GSK3B: variants seen among roughly 807,000 people sequenced by gnomAD.
The protein encoded by GSK3B is glycogen synthase kinase-3 beta.
A neutral mutation model predicts 56.4 loss-of-function variants in GSK3B; 15 were observed. The observed-to-expected ratio is 0.27, with a 90% confidence interval of 0.18 to 0.41. The LOEUF (loss-of-function observed/expected upper bound fraction) is 0.41. Among genes scored for constraint, GSK3B ranks in the 10% least tolerant of loss-of-function variants. The probability of loss-of-function intolerance (pLI) is 1.00; values close to 1 mark genes in which losing one functional copy is unlikely to be tolerated. For synonymous variants in GSK3B, 181 were observed against 188.9 expected (o/e 0.96, Z 0.34); for missense variants, 300 against 513.4 (o/e 0.58, Z 4.02).
intron 5 of GSK3B, 142 bp downstream of exon 5, chr3:119,915,902 A>G: frequency 1.8e-6 from 1 of 559,802 alleles, no homozygotes; most frequent in Non-Finnish European, 3.2e-6. Flanking sequence ...TAACAAAACT[A>G]CTCTCACAGC....
intron 10 of GSK3B, 76 bp from the exon 11 acceptor site, chr3:119,826,931 C>A: frequency 2.2e-6 from 2 of 900,804 alleles, no homozygotes; most frequent in South Asian, 1.4e-5. Flanking sequence ...ACTGTTTCAA[C>A]TGCAGGCTGT....
chr3:119,983,920 A>G (rs746654392), intron 2 of GSK3B, among the ~76,000 whole-genome samples: 13 of 152,166 alleles, frequency 8.5e-5, no homozygotes, highest in Non-Finnish European at 1.5e-4. Flanking sequence ...TCAGCACCAC[A>G]CTGCACTTAT....
intron 1 of GSK3B, among the ~76,000 whole-genome samples, chr3:120,015,661 A>C (rs2057818857): frequency 1.4e-5 from 2 of 144,004 alleles, no homozygotes; most frequent in South Asian, 2.1e-4. Flanking sequence ...AAAAAAAAAA[A>C]AAAAAAAAAA....
At chr3:119,867,430 T>C (rs2056198353) in intron 8 of GSK3B, among the ~76,000 whole-genome samples, 1 of 152,186 alleles carries the variant, frequency 6.6e-6, no homozygotes, top group South Asian at 2.1e-4. Context: ...GAAAAATAAA[T>C]AGAGAACATT....
intron 7 of GSK3B, among the ~76,000 whole-genome samples, chr3:119,885,871 T>C (rs1286682999): frequency 6.6e-6 from 1 of 152,148 alleles, no homozygotes; most frequent in Non-Finnish European, 1.5e-5. Context: ...ACTGGACCCC[T>C]ATCTTTCACC....
chr3:120,091,524 A>G (rs1293036310), intron 1 of GSK3B, among the ~76,000 whole-genome samples: 1 of 152,242 alleles, frequency 6.6e-6, no homozygotes, highest in African/African-American at 2.4e-5. Flanking sequence ...AAAATGTAGC[A>G]TTATAATCTA....
chr3:120,038,512 T>C (rs1350354947), intron 1 of GSK3B, among the ~76,000 whole-genome samples: 2 of 151,872 alleles, frequency 1.3e-5, no homozygotes, highest in Non-Finnish European at 1.5e-5. Context: ...AAGGCAAGAG[T>C]GAGACTCTGT....
intron 2 of GSK3B, among the ~76,000 whole-genome samples, chr3:119,948,334 G>GC (rs2057120250): frequency 6.6e-6 from 1 of 152,184 alleles, no homozygotes; most frequent in Non-Finnish European, 1.5e-5. Context: ...GATAAAGATA[G>GC]CTATCCTAGA....
At chr3:120,050,974 C>A (rs1423595613) in intron 1 of GSK3B, among the ~76,000 whole-genome samples, 1 of 152,016 alleles carries the variant, frequency 6.6e-6, no homozygotes, top group African/African-American at 2.4e-5. Flanking sequence ...ACTGAGGAAA[C>A]AATCTGAGAG....
intron 8 of GSK3B, among the ~76,000 whole-genome samples, chr3:119,864,557 G>C (rs1195051152): frequency 1.3e-5 from 2 of 152,174 alleles, no homozygotes; most frequent in African/African-American, 2.4e-5. Flanking sequence ...GAAATAAAAG[G>C]TGTGACGATG....
chr3:119,937,410 G>T (rs942229861), intron 3 of GSK3B, among the ~76,000 whole-genome samples: 2 of 151,958 alleles, frequency 1.3e-5, no homozygotes, highest in African/African-American at 4.8e-5. Flanking sequence ...GCATATGTTG[G>T]CTCCCCTTCA....
chr3:119,922,411 A>G (rs577259363), intron 4 of GSK3B, among the ~76,000 whole-genome samples: 1 of 148,090 alleles, frequency 6.8e-6, no homozygotes, highest in Non-Finnish European at 1.5e-5. Context: ...ACTATAGTAT[A>G]TATAGTTTAT....
intron 8 of GSK3B, chr3:119,866,576 A>T (rs2056185796): frequency 6.3e-7 from 1 of 1,586,524 alleles, no homozygotes; most frequent in African/African-American, 1.3e-5. Context: ...GGGAAAAAAA[A>T]ATTAAGTACA....
intron 1 of GSK3B, among the ~76,000 whole-genome samples, chr3:120,058,480 TAG>T (rs948097752): frequency 2.0e-5 from 3 of 152,100 alleles, no homozygotes; most frequent in Admixed American, 1.3e-4. Context: ...GGTGGAGTTA[TAG>T]AGTCTCCTGA....
At chr3:120,073,124 C>A (rs1194615259) in intron 1 of GSK3B, among the ~76,000 whole-genome samples, 1 of 147,990 alleles carries the variant, frequency 6.8e-6, no homozygotes, top group Non-Finnish European at 1.5e-5. Context: ...CTGTGGCTCA[C>A]ATCTATAATC....
chr3:119,884,070 A>G (rs1243160140), intron 7 of GSK3B, among the ~76,000 whole-genome samples: 10 of 152,172 alleles, frequency 6.6e-5, no homozygotes, highest in South Asian at 4.1e-4. Flanking sequence ...CAGACAAAGA[A>G]GAGTGCTAAA....
At chr3:119,898,555 G>A (rs1440277331) in intron 7 of GSK3B, among the ~76,000 whole-genome samples, 1 of 152,062 alleles carries the variant, frequency 6.6e-6, no homozygotes, top group African/African-American at 2.4e-5. Context: ...AATGGGTTCT[G>A]GGTATCAAGT....
intron 1 of GSK3B, among the ~76,000 whole-genome samples, chr3:120,091,249 G>A (rs111655505): frequency 2.5e-3 from 376 of 152,130 alleles, no homozygotes; most frequent in Non-Finnish European, 4.3e-3. Flanking sequence ...TTTTCAACAG[G>A]GGTTCCTTAG....
At chr3:119,914,975 G>A (rs1358359520) in intron 5 of GSK3B, among the ~76,000 whole-genome samples, 3 of 152,068 alleles carry the variant, frequency 2.0e-5, no homozygotes, top group Non-Finnish European at 4.4e-5. Context: ...TCCAAATTAT[G>A]TAAAGATGTC....
Sources: allele counts gnomAD v4.1 joint callset (sites outside exome capture counted in the v4.1 genomes callset), GRCh38; gene constraint gnomAD v4.1.1; transcripts MANE v1.5; gene names NCBI Gene and HGNC (gene_info 2026-07-23, HGNC 2026-07-21).